Variants in DACH1 observed in about 807,000 individuals in gnomAD.
DACH1 encodes dachshund homolog 1.
In DACH1, 12 loss-of-function variants were observed where a neutral mutation model predicts 54.2. That is an observed-to-expected ratio of 0.22 (90% CI 0.14 to 0.36). The LOEUF is 0.36. Among genes scored for constraint, DACH1 ranks in the 10% least tolerant of loss-of-function variants. The probability of loss-of-function intolerance (pLI) is 1.00; values close to 1 mark genes in which losing one functional copy is unlikely to be tolerated. For synonymous variants in DACH1, 386 were observed against 366.2 expected, an observed-to-expected ratio of 1.05 and a Z score of -0.62; for missense variants, 805 against 929.8, an observed-to-expected ratio of 0.87 and a Z score of 1.75.
chr13:71,514,887 T>C (rs996431898), intron 6 of DACH1, among the ~76,000 whole-genome samples: 1 of 151,994 alleles, frequency 6.6e-6, no homozygotes, highest in Non-Finnish European at 1.5e-5. Flanking sequence ...CAAGAATGTT[T>C]AGCAGATGGA....
intron 1 of DACH1, among the ~76,000 whole-genome samples, chr13:71,722,826 T>C (rs1008426068): frequency 7.2e-5 from 11 of 152,230 alleles, no homozygotes; most frequent in African/African-American, 2.4e-4. Flanking sequence ...GGCTTCAATA[T>C]ACTATTCGTG....
At chr13:71,776,235 G>A (rs1458628795) in intron 1 of DACH1, among the ~76,000 whole-genome samples, 1 of 152,010 alleles carries the variant, frequency 6.6e-6, no homozygotes, top group East Asian at 1.9e-4. Flanking sequence ...ATAGTAAAAT[G>A]TTTCACAACC....
At chr13:71,606,848 T>C (rs1047839280) in intron 3 of DACH1, among the ~76,000 whole-genome samples, 1 of 152,042 alleles carries the variant, frequency 6.6e-6, no homozygotes, top group Non-Finnish European at 1.5e-5. Flanking sequence ...ATCCATCAAT[T>C]CTGCTGCACT....
chr13:71,852,682 C>T (rs1238538821), intron 1 of DACH1, among the ~76,000 whole-genome samples: 1 of 152,248 alleles, frequency 6.6e-6, no homozygotes, highest in Admixed American at 6.5e-5. Context: ...AAATAAAATG[C>T]TATTGGCTAA....
At chr13:71,547,167 C>A (rs1028873615) in intron 6 of DACH1, among the ~76,000 whole-genome samples, 2 of 152,056 alleles carry the variant, frequency 1.3e-5, no homozygotes, top group Non-Finnish European at 2.9e-5. Context: ...ACTCTGGGAG[C>A]TGGAAGAAGC....
At chr13:71,585,499 C>T (rs1268330479) in intron 3 of DACH1, among the ~76,000 whole-genome samples, 2 of 152,056 alleles carry the variant, frequency 1.3e-5, no homozygotes, top group Non-Finnish European at 2.9e-5. Context: ...GCCTTTTGGC[C>T]CCATGTCCTC....
At chr13:71,794,235 CT>C (rs1017200621) in intron 1 of DACH1, among the ~76,000 whole-genome samples, 1 of 152,100 alleles carries the variant, frequency 6.6e-6, no homozygotes, top group African/African-American at 2.4e-5. Flanking sequence ...AGTCAGATTC[CT>C]GTAAACCTTC....
chr13:71,519,135 G>A (rs1881381335), intron 6 of DACH1, among the ~76,000 whole-genome samples: 1 of 151,740 alleles, frequency 6.6e-6, no homozygotes, highest in Non-Finnish European at 1.5e-5. Context: ...GCTGGATTCT[G>A]TTCTATACAA....
intron 1 of DACH1, among the ~76,000 whole-genome samples, chr13:71,781,344 A>G (rs1369383610): frequency 7.5e-6 from 1 of 133,582 alleles, no homozygotes; most frequent in Non-Finnish European, 1.6e-5. Flanking sequence ...GATCTTTTTT[A>G]TTTTTATTTA....
chr13:71,626,309 T>C, intron 3 of DACH1, among the ~76,000 whole-genome samples: 1 of 151,980 alleles, frequency 6.6e-6, no homozygotes, highest in East Asian at 1.9e-4. Context: ...TTAAGTTTCC[T>C]TTATTTAGAT....
At chr13:71,602,167 A>G (rs1405878199) in intron 3 of DACH1, among the ~76,000 whole-genome samples, 1 of 152,044 alleles carries the variant, frequency 6.6e-6, no homozygotes, top group Non-Finnish European at 1.5e-5. Flanking sequence ...TCTGGAAAGC[A>G]ACACAAAATT....
chr13:71,866,357 G>C lies in DACH1; in HGVS notation c.413C>G (p.Thr138Ser), dbSNP rs1874774471. The change falls in exon 1 of 11, where the codon ACC (threonine) becomes AGC (serine). Residue 138 changes from threonine to serine, a missense_variant. Physicochemically the swap from Thr to Ser is moderately conservative, Grantham distance 58. Around this residue, in one of 3 missense-constraint regions of DACH1, gnomAD observed 305 missense variants for 308.7 expected, o/e 0.99. Coordinates refer to ENST00000613252, the MANE Select transcript of DACH1 (RefSeq NM_080759.6). ...VASSTPINAS[T>S]GSSSSSSSSS... is the part of the protein sequence containing the mutation. ...GCTACTGCTGCTGCTGCTGCTGCCG[G>C]TGCTGGCGTTGATGGGGGTGCTGGA... is the stretch of plus-strand genomic sequence containing the variant. 2.6e-6 allele frequency: 4 copies of C among 1,523,226 alleles called. No homozygotes were observed. The highest frequency in any genetic ancestry group is 3.5e-6 in the Non-Finnish European group (4 of 1,133,782). 94.4% of individuals were successfully genotyped at this position (1,523,226 alleles called of 1,614,324 possible).
chr13:71,761,693 A>G (rs1844454540), intron 1 of DACH1, among the ~76,000 whole-genome samples: 1 of 152,104 alleles, frequency 6.6e-6, no homozygotes, highest in Non-Finnish European at 1.5e-5. Flanking sequence ...TGGGGCCTGG[A>G]TGCTAACATT....
At chr13:71,472,833 A>C (rs1877202996) in intron 10 of DACH1, among the ~76,000 whole-genome samples, 2 of 152,194 alleles carry the variant, frequency 1.3e-5, no homozygotes, top group African/African-American at 4.8e-5. Context: ...TCCTTAGACA[A>C]CATTTAACTA....
intron 8 of DACH1, among the ~76,000 whole-genome samples, chr13:71,476,945 T>C (rs1593754998): frequency 6.6e-6 from 1 of 151,422 alleles, no homozygotes; most frequent in East Asian, 1.9e-4. Flanking sequence ...AATCATTCCA[T>C]ATTTACTGTT....
In DACH1 at chr13:71,439,745, C is replaced by CCAA. The variant is rs910476853; in HGVS notation, c.*907_*909dup. 1 of 152,316 alleles carries CCAA rather than the reference C, an allele frequency of 6.6e-6. No individual in the cohort carries two copies. Among genetic ancestry groups the CCAA allele is most frequent in the African/African-American group, 2.4e-5 (1 of 41,382 alleles). 9.4% of individuals were successfully genotyped at this position (152,316 alleles called of 1,614,324 possible). A position where few individuals can be genotyped will look rare whatever the true frequency, so the allele number is the denominator to read the frequency against. On this transcript the variant is annotated 3_prime_UTR_variant, in exon 11 of 11. Coordinates refer to ENST00000613252, the MANE Select transcript of DACH1 (RefSeq NM_080759.6). ...TAAAACCAGAAAGACATCTTTCTGA[C>CCAA]CAACAGGGTGACAAAACATATTTTC...
At chr13:71,551,755 A>G (rs1883832115) in intron 6 of DACH1, among the ~76,000 whole-genome samples, 1 of 152,170 alleles carries the variant, frequency 6.6e-6, no homozygotes, top group Non-Finnish European at 1.5e-5. Context: ...GCTTTGTATG[A>G]AAATGGTCCA....
At chr13:71,794,584 C>T (rs578035977) in intron 1 of DACH1, among the ~76,000 whole-genome samples, 18 of 152,142 alleles carry the variant, frequency 1.2e-4, no homozygotes, top group African/African-American at 3.6e-4. Flanking sequence ...ATTACAGGTG[C>T]GTGCCACCAT....
At chr13:71,682,678 A>G (rs1454625433) in intron 1 of DACH1, among the ~76,000 whole-genome samples, 1 of 152,160 alleles carries the variant, frequency 6.6e-6, no homozygotes, top group East Asian at 1.9e-4. Context: ...TTTGTAGGGT[A>G]TCATTAAGGA....
Sources: gnomAD v4.1 joint callset for allele counts (sites outside exome capture counted in the v4.1 genomes callset) on GRCh38, gnomAD v4.1.1 for gene constraint, gnomAD v4.1.1 regional missense constraint, MANE v1.5 for transcripts, NCBI Gene and HGNC (gene_info 2026-07-23, HGNC 2026-07-21) for gene names.